Variants in SLC9C2 observed in about 807,000 individuals in gnomAD.
SLC9C2 encodes solute carrier family 9 member C2 (putative).
SLC9C2 carries 75 observed loss-of-function variants against 140.2 expected under a neutral mutation model. The ratio of observed to expected loss-of-function variants is 0.53; its 90% CI spans 0.44 to 0.65. The LOEUF (loss-of-function observed/expected upper bound fraction) is 0.65, where lower values mean the gene tolerates loss of function less well. Among genes scored for constraint, SLC9C2 ranks in the 30% least tolerant of loss-of-function variants. SLC9C2 has a pLI of 0.00. For synonymous variants in SLC9C2, 375 were observed against 420.9 expected (o/e 0.89, Z 1.34); for missense variants, 1,074 against 1,331.8 (o/e 0.81, Z 3.01).
At chr1:173,564,565 A>G (rs1571571359) in intron 9 of SLC9C2, among the ~76,000 whole-genome samples, 1 of 150,812 alleles carries the variant, frequency 6.6e-6, no homozygotes, top group African/African-American at 2.4e-5. Context: ...ATGTTTTCCT[A>G]TGACTTGTTT....
At chr1:173,583,744 G>T in intron 5 of SLC9C2, 122 bp from the exon 6 acceptor site, 1 of 571,044 alleles carries the variant, frequency 1.8e-6, no homozygotes, top group Non-Finnish European at 3.1e-6. Context: ...AGGCAACTAT[G>T]ACTGGGATGG....
At chr1:173,513,539 TTC>T (rs1660194735) in intron 23 of SLC9C2, among the ~76,000 whole-genome samples, 1 of 152,126 alleles carries the variant, frequency 6.6e-6, no homozygotes, top group South Asian at 2.1e-4. Flanking sequence ...TCCATTTGAT[TTC>T]TCTCTCTTTT....
At chr1:173,517,249 C>T (rs925330133) in intron 23 of SLC9C2, among the ~76,000 whole-genome samples, 4 of 152,288 alleles carry the variant, frequency 2.6e-5, no homozygotes, top group African/African-American at 7.2e-5. Flanking sequence ...AGGCATTTTA[C>T]GTAGATGTTT....
chr1:173,542,201 C>T (rs970409182), intron 13 of SLC9C2, among the ~76,000 whole-genome samples: 5 of 152,150 alleles, frequency 3.3e-5, no homozygotes, highest in African/African-American at 9.7e-5. Flanking sequence ...CACAGAAATA[C>T]AAACTACCAT....
At chr1:173,519,886 C>T (rs1660682584) in intron 22 of SLC9C2, among the ~76,000 whole-genome samples, 1 of 152,096 alleles carries the variant, frequency 6.6e-6, no homozygotes, top group South Asian at 2.1e-4. Context: ...CGGTGGCTCA[C>T]ACCTGTAATC....
Position 173,598,030 on chromosome 1 carries a change from C to T in SLC9C2, c.231G>A (p.Val77=). ...TTAGAAGAGGGTAGACAATTTGGTG[C>T]ACCTAAAGTAACAAAGGCAAACAAG... is the stretch of plus-strand genomic sequence containing the variant. ...IGHMAYNSVE[V]HQIVYPLLRT... The change falls in exon 4 of 28, where the codon GTG becomes GTA. Residue 77 remains valine, a splice_region_variant and synonymous_variant. Coordinates refer to ENST00000367714, the MANE Select transcript of SLC9C2 (RefSeq NM_178527.4). 1 of 1,580,488 alleles carries T rather than the reference C, an allele frequency of 6.3e-7. No homozygotes were observed. The highest frequency in any genetic ancestry group is 1.9e-5 in the Admixed American group (1 of 51,788).
chr1:173,590,919 G>A (rs1666123239), intron 4 of SLC9C2, among the ~76,000 whole-genome samples: 1 of 152,080 alleles, frequency 6.6e-6, no homozygotes, highest in Non-Finnish European at 1.5e-5. Context: ...TTTTATTTTA[G>A]GTTCTGGGGT....
chr1:173,580,144 T>C (rs919901060), intron 7 of SLC9C2, among the ~76,000 whole-genome samples: 2 of 142,702 alleles, frequency 1.4e-5, no homozygotes, highest in African/African-American at 5.3e-5. Flanking sequence ...GTTGCAGTGT[T>C]GCAGTGTCTT....
At position 173,523,959 on chromosome 1, in the gene SLC9C2, G is replaced by A; in HGVS notation, c.2640+10C>T. 6.2e-7 allele frequency: 1 copy of A among 1,600,948 alleles called. No individual in the cohort carries two copies. The highest frequency in any genetic ancestry group is 1.3e-5 in the African/African-American group (1 of 74,186). On this transcript the variant is annotated intron_variant, in intron 21 of 27. Transcript: ENST00000367714. ...CAAACCTGAGCCAGAATAGAAAACGGAATCTTTACCTTGAAGAAGTCAATG... is the reference window on the plus strand; with the variant it reads ...CAAACCTGAGCCAGAATAGAAAACGAAATCTTTACCTTGAAGAAGTCAATG...
At chr1:173,509,341 A>G (rs1659873948) in intron 24 of SLC9C2, among the ~76,000 whole-genome samples, 1 of 151,870 alleles carries the variant, frequency 6.6e-6, no homozygotes, top group South Asian at 2.1e-4. Flanking sequence ...GTTACTTGGG[A>G]GGCTGAGGCA....
At chr1:173,547,976 C>A (rs1229784871) in intron 12 of SLC9C2, among the ~76,000 whole-genome samples, 192 bp from the exon 13 acceptor site, 1 of 152,210 alleles carries the variant, frequency 6.6e-6, no homozygotes, top group Non-Finnish European at 1.5e-5. Context: ...AGTAAATACT[C>A]ATTTGGGGAG....
At chr1:173,521,247 T>A in intron 22 of SLC9C2, 54 bp downstream of exon 22, 9 of 984,968 alleles carry the variant, frequency 9.1e-6, no homozygotes, top group Non-Finnish European at 1.3e-5. Context: ...TACAATTACA[T>A]GTTTCAAAAT....
chr1:173,551,901 A>G (rs1663341516), intron 11 of SLC9C2, among the ~76,000 whole-genome samples: 1 of 152,198 alleles, frequency 6.6e-6, no homozygotes. Context: ...TGAGGAAGGC[A>G]GGTTGAAAGC....
At chr1:173,549,284 G>A (rs1375895844) in intron 11 of SLC9C2, among the ~76,000 whole-genome samples, 5 of 152,144 alleles carry the variant, frequency 3.3e-5, no homozygotes, top group Non-Finnish European at 4.4e-5. Flanking sequence ...GGGACACTGC[G>A]TACAATGGAG....
rs377240801 is a variant in SLC9C2, at chr1:173,530,042, T to A, written c.2176A>T (p.Ile726Leu). ...FLPLFKIIVP[I>L]LIRIADVQIK... Reference sequence around the variant, plus strand: ...TGCACATCTGCAATTCTTATCAGTATTGGTACTATTATCTGGAATAATGAG... The same window carrying A: ...TGCACATCTGCAATTCTTATCAGTAATGGTACTATTATCTGGAATAATGAG... The change falls in exon 18 of 28, where the codon ATA (isoleucine) becomes TTA (leucine). Residue 726 changes from isoleucine to leucine, a missense_variant. By Grantham distance (5) the Ile-to-Leu change is conservative (BLOSUM62 2). Transcript: ENST00000367714. The A allele has an allele frequency of 5.0e-6, 8 of 1,602,230 alleles. No homozygotes were observed. The African/African-American group carries it at 1.1e-4, about 22-fold the overall frequency.
intron 11 of SLC9C2, among the ~76,000 whole-genome samples, chr1:173,549,120 A>C (rs1217034008): frequency 6.6e-6 from 1 of 152,246 alleles, no homozygotes. Context: ...CTCACTTACC[A>C]AAGAGAAGAA....
At chr1:173,554,509 A>G (rs1024104248) in intron 11 of SLC9C2, among the ~76,000 whole-genome samples, 7 of 152,220 alleles carry the variant, frequency 4.6e-5, no homozygotes, top group Non-Finnish European at 1.0e-4. Context: ...GTGGAGGGAA[A>G]AAAAAACCTT....
chr1:173,506,078 A>G (rs1290143838), intron 25 of SLC9C2, among the ~76,000 whole-genome samples: 1 of 152,254 alleles, frequency 6.6e-6, no homozygotes, highest in Non-Finnish European at 1.5e-5. Flanking sequence ...AATTACCTTC[A>G]TCATCTGAAT....
At chr1:173,545,615 G>C (rs895480612) in intron 13 of SLC9C2, among the ~76,000 whole-genome samples, 7 of 152,148 alleles carry the variant, frequency 4.6e-5, no homozygotes, top group African/African-American at 1.7e-4. Flanking sequence ...AGGCAACCAA[G>C]GAGCCTCTCG....
Sources: gnomAD v4.1 joint callset for allele counts (sites outside exome capture counted in the v4.1 genomes callset) on GRCh38, gnomAD v4.1.1 for gene constraint, MANE v1.5 for transcripts, NCBI Gene and HGNC (gene_info 2026-07-23, HGNC 2026-07-21) for gene names.